Variants in DTWD2 observed in about 807,000 individuals in gnomAD.
DTWD2 encodes the protein tRNA-uridine aminocarboxypropyltransferase 2.
Under a neutral mutation model 31.8 loss-of-function variants are expected in DTWD2, and 39 were observed. The observed-to-expected ratio is 1.22, with a 90% CI of 0.95 to 1.60. DTWD2 has a LOEUF of 1.60. Among genes scored for constraint, DTWD2 ranks in the 40% most tolerant of loss-of-function variants. The probability of loss-of-function intolerance (pLI) is 0.00; values close to 1 mark genes in which losing one functional copy is unlikely to be tolerated. For synonymous variants in DTWD2, 180 were observed against 142.8 expected (o/e 1.26, Z -1.86); for missense variants, 515 against 381.5 (o/e 1.35, Z -2.92).
intron 4 of DTWD2, among the ~76,000 whole-genome samples, chr5:118,901,202 A>C (rs981694527): frequency 1.4e-4 from 21 of 152,124 alleles, no homozygotes; most frequent in Non-Finnish European, 2.8e-4. Flanking sequence ...GGTAGTCACA[A>C]GACAATCAAC....
intron 4 of DTWD2, among the ~76,000 whole-genome samples, chr5:118,919,133 A>C (rs1056033240): frequency 1.3e-5 from 2 of 152,198 alleles, no homozygotes; most frequent in African/African-American, 4.8e-5. Flanking sequence ...CAGACTTTTA[A>C]TTGCTCACAG....
At chr5:118,968,330 G>T (rs1352464275) in intron 1 of DTWD2, among the ~76,000 whole-genome samples, 1 of 152,164 alleles carries the variant, frequency 6.6e-6, no homozygotes, top group Non-Finnish European at 1.5e-5. Flanking sequence ...GGAAAAACTG[G>T]TGAATTCTGA....
At chr5:118,981,311 A>T (rs1486738855) in intron 1 of DTWD2, among the ~76,000 whole-genome samples, 1 of 152,156 alleles carries the variant, frequency 6.6e-6, no homozygotes, top group Middle Eastern at 3.2e-3. Context: ...TAATGTCACT[A>T]AACTGTACAC....
At chr5:118,905,557 C>T (rs1386363976) in intron 4 of DTWD2, among the ~76,000 whole-genome samples, 1 of 152,116 alleles carries the variant, frequency 6.6e-6, no homozygotes, top group Non-Finnish European at 1.5e-5. Context: ...GTTTCTCAAG[C>T]CATCTGGATT....
chr5:118,970,879 C>G (rs1754969016), intron 1 of DTWD2, among the ~76,000 whole-genome samples: 1 of 152,094 alleles, frequency 6.6e-6, no homozygotes, highest in South Asian at 2.1e-4. Flanking sequence ...TCATATCTGG[C>G]CAAAATAAGC....
At chr5:118,922,523 A>G (rs1002399715) in intron 4 of DTWD2, among the ~76,000 whole-genome samples, 1 of 152,222 alleles carries the variant, frequency 6.6e-6, no homozygotes. Context: ...ATTTAGAAAT[A>G]AAACCGAATT....
At chr5:118,966,714 G>C (rs1176797657) in intron 1 of DTWD2, among the ~76,000 whole-genome samples, 1 of 151,996 alleles carries the variant, frequency 6.6e-6, no homozygotes, top group East Asian at 1.9e-4. Context: ...TTCCCTAACA[G>C]TTCTCCATAA....
intron 4 of DTWD2, among the ~76,000 whole-genome samples, chr5:118,857,654 T>C (rs1752169065): frequency 2.0e-5 from 3 of 152,228 alleles, no homozygotes; most frequent in Non-Finnish European, 4.4e-5. Context: ...TTTTACTTTA[T>C]GGTTACTGCT....
At chr5:118,860,201 G>A (rs534333976) in intron 4 of DTWD2, among the ~76,000 whole-genome samples, 130 of 149,228 alleles carry the variant, frequency 8.7e-4, no homozygotes, top group African/African-American at 3.1e-3. Context: ...TAAAAGCATA[G>A]TATGTTTATA....
intron 4 of DTWD2, among the ~76,000 whole-genome samples, chr5:118,877,034 C>T (rs567290774): frequency 6.6e-6 from 1 of 152,320 alleles, no homozygotes; most frequent in South Asian, 2.1e-4. Flanking sequence ...CCACCATAAT[C>T]AAGTAGGCTT....
At position 118,928,517 on chromosome 5, in the gene DTWD2, T is replaced by C. The variant is rs1753853814; in HGVS notation, c.597+20A>G. ...TAATTATATATTTATATTTATTCTC[T>C]GTTAAAATTACTAGTTTACCTGTTT... On this transcript the variant is annotated intron_variant, in intron 4 of 5. Coordinates refer to ENST00000510708, the MANE Select transcript of DTWD2 (RefSeq NM_173666.4). 3 of 1,441,018 alleles carry C rather than the reference T, an allele frequency of 2.1e-6. No individual in the cohort carries two copies. Among genetic ancestry groups the C allele is most frequent in the Non-Finnish European group, 1.8e-6 (2 of 1,091,170 alleles). The allele number at this position is 1,441,018 out of a possible 1,614,324, so 89.3% of individuals were successfully genotyped here. A position where few individuals can be genotyped will look rare whatever the true frequency, so the allele number is the denominator to read the frequency against.
intron 1 of DTWD2, among the ~76,000 whole-genome samples, chr5:118,945,559 G>A (rs908192788): frequency 3.3e-5 from 5 of 152,096 alleles, no homozygotes; most frequent in African/African-American, 1.2e-4. Context: ...GAGGTCAAGA[G>A]TTCAAGACCA....
At chr5:118,952,220 G>C (rs1461123680) in intron 1 of DTWD2, among the ~76,000 whole-genome samples, 2 of 152,164 alleles carry the variant, frequency 1.3e-5, no homozygotes, top group African/African-American at 4.8e-5. Flanking sequence ...GGAGGACAGG[G>C]GATTGATCTC....
Position 118,874,737 on chromosome 5 carries a change from T to C in DTWD2, c.598-26519A>G, listed in dbSNP as rs144825898. ...AAAAAGAGAACAAATCTATGACTGA[T>C]TGGGGTACCTGAAAGAAACGGGGAG... On this transcript the variant is annotated intron_variant, in intron 4 of 5. Coordinates refer to ENST00000510708, the MANE Select transcript of DTWD2 (RefSeq NM_173666.4). Among the ~76,000 whole-genome samples, 695 of 152,206 alleles carry C rather than the reference T, an allele frequency of 4.6e-3. 6 individuals carry two copies. The highest frequency in any genetic ancestry group is 0.016 in the African/African-American group (680 of 41,534).
chr5:118,983,273 G>A (rs1298128960), intron 1 of DTWD2, among the ~76,000 whole-genome samples: 1 of 152,128 alleles, frequency 6.6e-6, no homozygotes, highest in East Asian at 1.9e-4. Flanking sequence ...CAATAATACT[G>A]AGCTTAACCA....
Position 118,848,121 on chromosome 5 carries a change from G to C in DTWD2, c.695C>G (p.Ser232Cys). Reference protein sequence around the residue: ...STLECAAVALSILEKNNYIQE... With the variant: ...STLECAAVALCILEKNNYIQE... ...TATGTAATTATTTTTCTCCAAGATG[G>C]AAAGAGCAACAGCTGCACACTCCAG... is the stretch of plus-strand genomic sequence containing the variant. The change falls in exon 5 of 6, where the codon TCC (serine) becomes TGC (cysteine). Residue 232 changes from serine to cysteine, a missense_variant. Transcript: ENST00000510708. 1 of 1,579,430 alleles carries C rather than the reference G, an allele frequency of 6.3e-7. No homozygotes were observed. The highest frequency in any genetic ancestry group is 8.6e-7 in the Non-Finnish European group (1 of 1,165,776).
At chr5:118,873,755 G>C (rs1752561592) in intron 4 of DTWD2, among the ~76,000 whole-genome samples, 1 of 152,134 alleles carries the variant, frequency 6.6e-6, no homozygotes. Context: ...CAACCTTAGA[G>C]ACACTCCATC....
At chr5:118,933,270 C>CTG (rs1753966007) in intron 3 of DTWD2, among the ~76,000 whole-genome samples, 1 of 152,158 alleles carries the variant, frequency 6.6e-6, no homozygotes, top group Non-Finnish European at 1.5e-5. Context: ...TCCACAATCT[C>CTG]TTCCAGATCC....
chr5:118,940,105 A>G (rs953924759), intron 2 of DTWD2, among the ~76,000 whole-genome samples: 1 of 152,122 alleles, frequency 6.6e-6, no homozygotes, highest in African/African-American at 2.4e-5. Flanking sequence ...AAAAATAATA[A>G]CTTTAGAGTG....
Sources: gnomAD v4.1 joint callset for allele counts (sites outside exome capture counted in the v4.1 genomes callset) on GRCh38, gnomAD v4.1.1 for gene constraint, MANE v1.5 for transcripts, NCBI Gene and HGNC (gene_info 2026-07-23, HGNC 2026-07-21) for gene names.